Variants in IL2RB observed in about 807,000 individuals in gnomAD.
IL2RB encodes interleukin 2 receptor subunit beta.
A neutral mutation model predicts 44.2 loss-of-function variants in IL2RB; 17 were observed. The ratio of observed to expected loss-of-function variants is 0.38; its 90% CI spans 0.26 to 0.58. IL2RB has a LOEUF of 0.58. Among genes scored for constraint, IL2RB ranks in the 20% least tolerant of loss-of-function variants. The probability of loss-of-function intolerance (pLI) is 0.63; values close to 1 mark genes in which losing one functional copy is unlikely to be tolerated. For synonymous variants in IL2RB, 286 were observed against 297.9 expected, an observed-to-expected ratio of 0.96 and a Z score of 0.41; for missense variants, 624 against 685.5, an observed-to-expected ratio of 0.91 and a Z score of 1.00.
In IL2RB at chr22:37,128,900, A is replaced by C; in HGVS notation, c.904-52T>G. On this transcript the variant is annotated intron_variant, in intron 9 of 9. Coordinates refer to ENST00000216223, the MANE Select transcript of IL2RB (RefSeq NM_000878.5). The surrounding 1 kb of genome is among the most constrained non-coding windows in gnomAD (Gnocchi z 4.5). ...TGAGTGGGGGCTTCCTTCACCCTCC[A>C]CCCCTTCCTCTGGACTCTCAACAGC... The C allele has an allele frequency of 6.5e-7, 1 of 1,543,952 alleles. No homozygotes were observed. Among genetic ancestry groups the C allele is most frequent in the Non-Finnish European group, 8.8e-7 (1 of 1,142,668 alleles).
intron 8 of IL2RB, among the ~76,000 whole-genome samples, chr22:37,133,802 T>C (rs1236890599): frequency 6.6e-6 from 1 of 152,104 alleles, no homozygotes; most frequent in Non-Finnish European, 1.5e-5. Context: ...AGGCCCAGGC[T>C]CAAGTTCAGC....
chr22:37,172,778 G>A lies in IL2RB; in HGVS notation c.-34+2180C>T, dbSNP rs536897887. Among the ~76,000 whole-genome samples the A allele has an allele frequency of 2.0e-5, 3 of 152,302 alleles. No homozygotes were observed. In the East Asian group the frequency reaches 5.8e-4, roughly 29 times the overall value. ...AGCATCGTGATGTCTCTGAACCTGCGATCGGGAAGACATGCATGCAGTCGG... is the reference window on the plus strand; with the variant it reads ...AGCATCGTGATGTCTCTGAACCTGCAATCGGGAAGACATGCATGCAGTCGG... On this transcript the variant is annotated intron_variant, in intron 1 of 5. Coordinates refer to the IL2RB transcript ENST00000429622.
chr22:37,134,514 G>A (rs1396504426), intron 8 of IL2RB, among the ~76,000 whole-genome samples: 4 of 152,342 alleles, frequency 2.6e-5, no homozygotes, highest in Non-Finnish European at 2.9e-5. Flanking sequence ...GATGACGCAG[G>A]AGAATCGCTT....
intron 1 of IL2RB, among the ~76,000 whole-genome samples, chr22:37,147,935 C>T (rs1361699321): frequency 6.6e-6 from 1 of 152,242 alleles, no homozygotes. Context: ...CTCAATCATG[C>T]CAACCTGGCC....
intron 1 of IL2RB, among the ~76,000 whole-genome samples, chr22:37,172,735 C>T (rs1359578548): frequency 6.6e-6 from 1 of 152,204 alleles, no homozygotes; most frequent in Non-Finnish European, 1.5e-5. Flanking sequence ...ATCCTGCCAC[C>T]ATGACCCATT....
In IL2RB at chr22:37,143,640, C is replaced by T. The variant is rs367733139; in HGVS notation, c.89-5G>A. On this transcript the variant is annotated splice_region_variant and splice_polypyrimidine_tract_variant and intron_variant, in intron 2 of 9. Coordinates refer to ENST00000216223, the MANE Select transcript of IL2RB (RefSeq NM_000878.5). ...AGCATGTGAACTGGGAAGTGCCTGC[C>T]GGGCAAGATGAGGTGTGAGTGCTGA... The T allele has an allele frequency of 1.2e-5, 19 of 1,605,672 alleles. No homozygotes were observed. The Admixed American group carries it at 1.8e-4, about 16-fold the overall frequency.
At chr22:37,173,970 T>C (rs229502) in intron 1 of IL2RB, among the ~76,000 whole-genome samples, 148,813 of 152,290 alleles carry the variant, frequency 0.98, 72,716 homozygotes, top group East Asian at 1. Flanking sequence ...GGCCAGAGAG[T>C]TTTTACGAAA....
Position 37,128,345 on chromosome 22 carries a change from G to A in IL2RB, c.1407C>T (p.Pro469=), listed in dbSNP as rs764252942. 2.7e-6 allele frequency: 4 copies of A among 1,503,078 alleles called. No individual in the cohort carries two copies. The highest frequency in any genetic ancestry group is 3.5e-6 in the Non-Finnish European group (4 of 1,126,908). 93.1% of individuals were successfully genotyped at this position (1,503,078 alleles called of 1,614,324 possible). A position where few individuals can be genotyped will look rare whatever the true frequency, so the allele number is the denominator to read the frequency against. Residue 469 remains proline, a synonymous_variant, in exon 10 of 10, where the codon CCC becomes CCT. Transcript: ENST00000216223. The surrounding 1 kb of genome is among the most constrained non-coding windows in gnomAD (Gnocchi z 4.5). ...CTGGGGTGGGAGGCCCCAGGGGCTG[G>A]GGGTCCCAGTCTCTGGGGACTCTTT... ...LQERVPRDWD[P]QPLGPPTPGV... is the part of the protein sequence containing the mutation.
At chr22:37,134,413 T>G (rs1392653292) in intron 8 of IL2RB, among the ~76,000 whole-genome samples, 1 of 152,080 alleles carries the variant, frequency 6.6e-6, no homozygotes, top group Non-Finnish European at 1.5e-5. Context: ...GAAACCAGCT[T>G]GGCCAACATG....
At position 37,157,182 on chromosome 22, in the gene IL2RB, A is replaced by G. The variant is rs150542966; in HGVS notation, c.-33-12977T>C. On this transcript the variant is annotated intron_variant, in intron 1 of 5. Coordinates refer to the IL2RB transcript ENST00000429622. ...AGAGGGGCCAGAGCAGAACAAGGAG[A>G]AAGAGCAGGCTAGCGGCCGACTTCC... Among the ~76,000 whole-genome samples the G allele has an allele frequency of 3.0e-3, 454 of 152,266 alleles. 4 individuals carry two copies. Among genetic ancestry groups the G allele is most frequent in the Middle Eastern group, 0.014 (4 of 294 alleles).
chr22:37,135,372 G>T lies in IL2RB; in HGVS notation c.774C>A (p.Ile258=). ...AGTTGATCAGCAAGTACACTAAGAT[G>T]ATGAAGCCAAAAGCCCCGCTGAGGC... ...LVGLSGAFGF[I]ILVYLLINCR... Residue 258 remains isoleucine (I), a synonymous_variant, in exon 8 of 10, where the codon ATC becomes ATA. Transcript: ENST00000216223. The T allele has an allele frequency of 6.2e-7, 1 of 1,613,934 alleles. No individual in the cohort carries two copies. Among genetic ancestry groups the T allele is most frequent in the Non-Finnish European group, 8.5e-7 (1 of 1,179,874 alleles).
intron 6 of IL2RB, 115 bp from the exon 7 acceptor site, chr22:37,136,508 C>G: frequency 1.7e-6 from 2 of 1,160,704 alleles, no homozygotes; most frequent in South Asian, 3.0e-5. Flanking sequence ...ACTTCCTTGC[C>G]ACCCAAAGCT....
intron 9 of IL2RB, among the ~76,000 whole-genome samples, chr22:37,129,640 A>T (rs1420946830): frequency 1.3e-5 from 2 of 152,166 alleles, no homozygotes; most frequent in Non-Finnish European, 2.9e-5. Flanking sequence ...CTCAGTTTCC[A>T]CAACAGCCAC....
chr22:37,145,834 A>T (rs228974), intron 1 of IL2RB, among the ~76,000 whole-genome samples: 62,478 of 151,670 alleles, frequency 0.41, 13,256 homozygotes, highest in East Asian at 0.72. Flanking sequence ...AGCGTTGGGC[A>T]TTTCCCCCGC....
chr22:37,137,509 A>T (rs762371118), intron 6 of IL2RB, 78 bp downstream of exon 6: 3 of 1,500,366 alleles, frequency 2.0e-6, no homozygotes, highest in African/African-American at 1.4e-5. Flanking sequence ...GGACCTCGAC[A>T]CAATGAAAAA....
chr22:37,144,543 G>C (rs1922135243), intron 1 of IL2RB, among the ~76,000 whole-genome samples: 1 of 152,204 alleles, frequency 6.6e-6, no homozygotes, highest in Non-Finnish European at 1.5e-5. Context: ...TCAAGAGTTT[G>C]AGACCAGCCT....
At position 37,147,261 on chromosome 22, in the gene IL2RB, G is replaced by A. The variant is rs150292210; in HGVS notation, c.-34+2564C>T. ...CCCATTTTCCAATGAGGAAACGGAGGCACACAGAGGTGAAGTGCGTTGCCT... is the reference window on the plus strand; with the variant it reads ...CCCATTTTCCAATGAGGAAACGGAGACACACAGAGGTGAAGTGCGTTGCCT... On this transcript the variant is annotated intron_variant, in intron 1 of 9. Transcript: ENST00000216223. Among the ~76,000 whole-genome samples, 5 of 152,330 alleles carry A rather than the reference G, an allele frequency of 3.3e-5. No individual in the cohort carries two copies. In the East Asian group the frequency reaches 7.7e-4, roughly 23 times the overall value.
intron 8 of IL2RB, 33 bp downstream of exon 8, chr22:37,135,295 G>T: frequency 1.4e-6 from 2 of 1,458,696 alleles, no homozygotes; most frequent in Non-Finnish European, 1.9e-6. Flanking sequence ...GGAGGGGTGG[G>T]AGCATGAAGG....
intron 7 of IL2RB, among the ~76,000 whole-genome samples, chr22:37,135,676 C>T (rs547920951): frequency 1.3e-5 from 2 of 152,214 alleles, no homozygotes; most frequent in Admixed American, 6.5e-5. Flanking sequence ...TCCCATGGGC[C>T]CCCCTGGTGA....
Sources: gnomAD v4.1 joint callset for allele counts (sites outside exome capture counted in the v4.1 genomes callset) on GRCh38, gnomAD v4.1.1 for gene constraint, Gnocchi (gnomAD v3.1) non-coding constraint, MANE v1.5 for transcripts, NCBI Gene and HGNC (gene_info 2026-07-23, HGNC 2026-07-21) for gene names.